IGSF10: variants seen among roughly 807,000 people sequenced by gnomAD.
IGSF10 encodes immunoglobulin superfamily member 10, also known as calvaria mechanical force protein 608.
In IGSF10, 126 loss-of-function variants were observed where a neutral mutation model predicts 128.2. The ratio of observed to expected loss-of-function variants is 0.98; its 90% CI spans 0.85 to 1.14. The LOEUF is 1.14. Among genes scored for constraint, IGSF10 ranks in the 50% most tolerant of loss-of-function variants. IGSF10 has a pLI of 0.00. For missense variants in IGSF10, 3,295 were observed against 3,149.8 expected (o/e 1.05, Z -1.10); for synonymous variants, 1,185 against 1,146.2 (o/e 1.03, Z -0.68).
chr3:151,553,073 A>G, the IGSF10 span, among the ~76,000 whole-genome samples: 1 of 152,172 alleles, frequency 6.6e-6, no homozygotes, highest in Non-Finnish European at 1.5e-5. Context: ...AATATAATAA[A>G]TGTAGCTTTA....
chr3:151,442,650 A>G (rs1055813346), intron 7 of IGSF10, among the ~76,000 whole-genome samples: 1 of 151,004 alleles, frequency 6.6e-6, no homozygotes, highest in Non-Finnish European at 1.5e-5. Context: ...CGGCCTCCCA[A>G]AGTGCTAGGA....
the IGSF10 span, among the ~76,000 whole-genome samples, chr3:151,547,095 A>AATATGTTT: frequency 6.6e-6 from 1 of 152,118 alleles, no homozygotes. Context: ...ATTTCTAAAT[A>AATATGTTT]ATATGTTTAT....
chr3:151,587,100 CA>C, the IGSF10 span, among the ~76,000 whole-genome samples: 11 of 150,392 alleles, frequency 7.3e-5, no homozygotes, highest in East Asian at 1.9e-4. Flanking sequence ...TGTGTTGGAA[CA>C]AAAAAAAACC....
chr3:151,568,732 C>T, the IGSF10 span, among the ~76,000 whole-genome samples: 1 of 152,156 alleles, frequency 6.6e-6, no homozygotes, highest in African/African-American at 2.4e-5. Flanking sequence ...GCAATTTTGA[C>T]TTCCAGACAC....
chr3:151,617,320 C>CTTTTTCTTCTCCT, the IGSF10 span, among the ~76,000 whole-genome samples: 8 of 83,580 alleles, frequency 9.6e-5, no homozygotes, highest in African/African-American at 4.2e-4. Context: ...CTTCTTCTTC[C>CTTTTTCTTCTCCT]CCTCCTCCTC....
At chr3:151,617,260 CTCTTCTTCTTCTTCTTCT>C in the IGSF10 span, among the ~76,000 whole-genome samples, 557 of 55,714 alleles carry the variant, frequency 1.0e-2, 9 homozygotes, top group East Asian at 0.12. Context: ...TCTTCTCCTT[CTCTTCTTCTTCTTCTTCT>C]TCTTCTTCTT....
At chr3:151,521,216 A>G in the IGSF10 span, among the ~76,000 whole-genome samples, 3 of 152,006 alleles carry the variant, frequency 2.0e-5, no homozygotes, top group Non-Finnish European at 4.4e-5. Context: ...ACCCAGATTC[A>G]TAAAGAAAGT....
At chr3:151,609,616 A>G in the IGSF10 span, among the ~76,000 whole-genome samples, 1 of 152,212 alleles carries the variant, frequency 6.6e-6, no homozygotes, top group Non-Finnish European at 1.5e-5. Context: ...GTGTACGGAT[A>G]AAGAAAATGT....
the IGSF10 span, among the ~76,000 whole-genome samples, chr3:151,617,684 TG>T: frequency 4.6e-5 from 7 of 152,130 alleles, no homozygotes; most frequent in Non-Finnish European, 1.0e-4. Context: ...ATATGAGTTT[TG>T]GGGGGCCAGG....
the IGSF10 span, among the ~76,000 whole-genome samples, chr3:151,559,077 T>C: frequency 6.6e-6 from 1 of 152,270 alleles, no homozygotes; most frequent in Non-Finnish European, 1.5e-5. Flanking sequence ...CAAGTAGATT[T>C]AGATGATTTA....
chr3:151,438,460 C>T lies in IGSF10; in HGVS notation c.6101G>A (p.Arg2034Lys), dbSNP rs779102895. The change falls in exon 8 of 8, where the codon AGA becomes AAA. Residue 2034 changes from arginine to lysine, a missense_variant. Coordinates refer to ENST00000282466, the MANE Select transcript of IGSF10 (RefSeq NM_178822.5). ...GTGGTCAATTTTGGCAGGTTTCAGT[C>T]TTAGGCTAACATGCATCAGTATCAG... is the stretch of plus-strand genomic sequence containing the variant. ...DDLILMHVSL[R>K]LKPAKIDHKQ... 2.5e-6 allele frequency: 4 copies of T among 1,614,016 alleles called. No homozygotes were observed. Among genetic ancestry groups the T allele is most frequent in the Admixed American group, 3.3e-5 (2 of 60,002 alleles).
At chr3:151,603,083 C>G in the IGSF10 span, among the ~76,000 whole-genome samples, 1 of 152,206 alleles carries the variant, frequency 6.6e-6, no homozygotes, top group African/African-American at 2.4e-5. Context: ...CTGGTTCTTG[C>G]TCTTATTGTA....
the IGSF10 span, among the ~76,000 whole-genome samples, chr3:151,603,566 C>G: frequency 6.6e-6 from 1 of 152,288 alleles, no homozygotes; most frequent in African/African-American, 2.4e-5. Context: ...TATTAGGGAT[C>G]TCAAGAGAAG....
At chr3:151,438,861 T>TAG (rs5853525) in intron 7 of IGSF10, among the ~76,000 whole-genome samples, 16,052 of 108,296 alleles carry the variant, frequency 0.15, 1,134 homozygotes, top group Middle Eastern at 0.3. Context: ...GGTATATATA[T>TAG]ATATAGAGAG....
At chr3:151,467,045 G>A in the IGSF10 span, among the ~76,000 whole-genome samples, 2 of 152,014 alleles carry the variant, frequency 1.3e-5, no homozygotes, top group Non-Finnish European at 2.9e-5. Flanking sequence ...GGTATGCAGA[G>A]GTCTCCAAAA....
chr3:151,446,584 T>C lies in IGSF10; in HGVS notation c.3397A>G (p.Ile1133Val). 6.2e-7 allele frequency: 1 copy of C among 1,614,154 alleles called. No individual in the cohort carries two copies. Among genetic ancestry groups the C allele is most frequent in the Non-Finnish European group, 8.5e-7 (1 of 1,180,008 alleles). Reference protein sequence around the residue: ...TPTIKYFRTEISQVTPTGAVM... With the variant: ...TPTIKYFRTEVSQVTPTGAVM... ...GCACCAGTTGGAGTCACTTGGGAAATTTCAGTCCTGAAATATTTTATTGTG... is the reference window on the plus strand; with the variant it reads ...GCACCAGTTGGAGTCACTTGGGAAACTTCAGTCCTGAAATATTTTATTGTG... The change falls in exon 6 of 8, where the codon ATT becomes GTT. Residue 1133 changes from isoleucine (I) to valine (V), a missense_variant. By Grantham distance (29) the Ile-to-Val change is conservative (BLOSUM62 3). Coordinates refer to ENST00000282466, the MANE Select transcript of IGSF10 (RefSeq NM_178822.5).
the IGSF10 span, among the ~76,000 whole-genome samples, chr3:151,609,535 C>A: frequency 6.6e-6 from 1 of 151,292 alleles, no homozygotes; most frequent in Admixed American, 6.6e-5. Context: ...AAAAAAAAAA[C>A]ACATGCACTC....
At chr3:151,542,864 G>T in the IGSF10 span, among the ~76,000 whole-genome samples, 3 of 151,946 alleles carry the variant, frequency 2.0e-5, no homozygotes, top group Admixed American at 6.6e-5. Flanking sequence ...AGGTATTTTT[G>T]TACTTTCCTC....
chr3:151,572,092 C>G, the IGSF10 span, among the ~76,000 whole-genome samples: 1 of 152,128 alleles, frequency 6.6e-6, no homozygotes, highest in African/African-American at 2.4e-5. Context: ...GGTGGATAAG[C>G]CTTTTGATGT....
Sources: gnomAD v4.1 joint callset for allele counts (sites outside exome capture counted in the v4.1 genomes callset) on GRCh38, gnomAD v4.1.1 for gene constraint, MANE v1.5 for transcripts, NCBI Gene and HGNC (gene_info 2026-07-23, HGNC 2026-07-21) for gene names.